The following JAZF1 variants were observed in gnomAD, a reference collection of about 807,000 sequenced individuals.
The protein encoded by JAZF1 is juxtaposed with another zinc finger protein 1.
A neutral mutation model predicts 26.4 loss-of-function variants in JAZF1; 8 were observed. The ratio of observed to expected loss-of-function variants is 0.30; its 90% CI spans 0.18 to 0.55. The LOEUF (loss-of-function observed/expected upper bound fraction) is 0.55. Ranked by LOEUF, JAZF1 falls within the 20% of genes least tolerant of loss-of-function variation. JAZF1 has a pLI of 0.94. For missense variants in JAZF1, 199 were observed against 322.0 expected, an observed-to-expected ratio of 0.62 and a Z score of 2.92; for synonymous variants, 126 against 122.3, an observed-to-expected ratio of 1.03 and a Z score of -0.20.
At chr7:28,057,824 T>C (rs1783736410) in intron 1 of JAZF1, among the ~76,000 whole-genome samples, 2 of 152,212 alleles carry the variant, frequency 1.3e-5, no homozygotes, top group South Asian at 4.1e-4. Flanking sequence ...GTTTATGGCT[T>C]TTCTCTTTTT....
intron 2 of JAZF1, among the ~76,000 whole-genome samples, chr7:27,930,004 CT>C (rs1019890532): frequency 4.0e-5 from 6 of 148,902 alleles, no homozygotes; most frequent in African/African-American, 1.5e-4. Flanking sequence ...CTCTTTCTTT[CT>C]TTCTTTTTGA....
intron 2 of JAZF1, 143 bp from the exon 3 acceptor site, chr7:27,895,559 C>T: frequency 2.1e-6 from 1 of 484,064 alleles, no homozygotes; most frequent in Non-Finnish European, 3.6e-6. Flanking sequence ...CTCACAACAG[C>T]TTCCCTTTTC....
chr7:27,909,980 A>T (rs1196246561), intron 2 of JAZF1, among the ~76,000 whole-genome samples: 1 of 152,252 alleles, frequency 6.6e-6, no homozygotes, highest in Non-Finnish European at 1.5e-5. Flanking sequence ...TTCACAATTA[A>T]GATGGCCAGC....
chr7:27,914,827 T>C (rs758069797), intron 2 of JAZF1: 4 of 471,210 alleles, frequency 8.5e-6, no homozygotes, highest in South Asian at 6.2e-5. Flanking sequence ...AACAGCCTTC[T>C]GGATTTCACA....
chr7:28,034,227 G>C (rs1360176314), intron 1 of JAZF1, among the ~76,000 whole-genome samples: 1 of 148,340 alleles, frequency 6.7e-6, no homozygotes, highest in Non-Finnish European at 1.5e-5. Flanking sequence ...CGAAGTTTAA[G>C]TAGAACCTTA....
rs958022942 is a variant in JAZF1 at position 27,986,559 on chromosome 7, A to G, written c.188+5350T>C. Among the ~76,000 whole-genome samples, 133 of 152,324 alleles carry G rather than the reference A, an allele frequency of 8.7e-4. 2 individuals are homozygous for G. Among genetic ancestry groups the G allele is most frequent in the African/African-American group, 3.1e-3 (127 of 41,570 alleles). ...CTGCCCAAGGTAATTTATAGATTCA[A>G]TGCCATCCTCATCAAGCTACCAATG... On this transcript the variant is annotated intron_variant, in intron 2 of 4. Transcript: ENST00000283928.
At chr7:28,115,360 T>C (rs1422840678) in intron 1 of JAZF1, among the ~76,000 whole-genome samples, 1 of 152,254 alleles carries the variant, frequency 6.6e-6, no homozygotes, top group African/African-American at 2.4e-5. Context: ...TACATTCTTT[T>C]TTTCATACTA....
intron 1 of JAZF1, among the ~76,000 whole-genome samples, chr7:28,058,722 C>A (rs1783754177): frequency 6.6e-6 from 1 of 152,178 alleles, no homozygotes; most frequent in South Asian, 2.1e-4. Context: ...ATAATCTCTG[C>A]TTTGTCCTGT....
chr7:27,885,719 T>C (rs1233964828), intron 3 of JAZF1, among the ~76,000 whole-genome samples: 1 of 152,136 alleles, frequency 6.6e-6, no homozygotes, highest in Non-Finnish European at 1.5e-5. Context: ...AGATATAGTG[T>C]TTGTATCCAT....
At chr7:27,997,702 G>A (rs1786044385) in intron 1 of JAZF1, among the ~76,000 whole-genome samples, 1 of 152,036 alleles carries the variant, frequency 6.6e-6, no homozygotes, top group Non-Finnish European at 1.5e-5. Context: ...TGAGCAGATA[G>A]GACTGCAGGT....
intron 3 of JAZF1, among the ~76,000 whole-genome samples, chr7:27,891,663 CAA>C (rs979238925): frequency 7.9e-5 from 12 of 151,838 alleles, no homozygotes; most frequent in African/African-American, 2.9e-4. Flanking sequence ...CTCATCTCTA[CAA>C]AAAAAGTCAA....
chr7:28,072,941 TAAGAA>T (rs1783998952), intron 1 of JAZF1, among the ~76,000 whole-genome samples: 1 of 152,216 alleles, frequency 6.6e-6, no homozygotes, highest in East Asian at 1.9e-4. Context: ...ATTATGTATT[TAAGAA>T]AAGTACAAAG....
chr7:28,127,604 C>CA (rs1398917428), intron 1 of JAZF1, among the ~76,000 whole-genome samples: 1 of 151,650 alleles, frequency 6.6e-6, no homozygotes, highest in Non-Finnish European at 1.5e-5. Flanking sequence ...AGATAAATGT[C>CA]AAAAAAAGGG....
At chr7:28,164,746 C>T (rs184880636) in intron 1 of JAZF1, among the ~76,000 whole-genome samples, 2 of 152,220 alleles carry the variant, frequency 1.3e-5, no homozygotes, top group African/African-American at 4.8e-5. Context: ...CCATTCTCCT[C>T]CCCTGCCCCC....
intron 1 of JAZF1, among the ~76,000 whole-genome samples, chr7:28,051,813 A>G (rs1046466130): frequency 1.3e-5 from 2 of 152,230 alleles, no homozygotes; most frequent in Non-Finnish European, 2.9e-5. Context: ...ATCAACTAGT[A>G]ACTCAGAGAA....
At chr7:27,859,867 TA>T (rs936422944) in intron 3 of JAZF1, among the ~76,000 whole-genome samples, 7 of 152,036 alleles carry the variant, frequency 4.6e-5, no homozygotes, top group African/African-American at 7.2e-5. Context: ...TAAAGTATAA[TA>T]AAAAAAGAAA....
At chr7:28,101,168 T>G (rs1276518392) in intron 1 of JAZF1, among the ~76,000 whole-genome samples, 1 of 152,190 alleles carries the variant, frequency 6.6e-6, no homozygotes, top group African/African-American at 2.4e-5. Context: ...TGGAACCCTT[T>G]TTTTATCCTC....
chr7:27,980,376 G>GT (rs1313084442), intron 2 of JAZF1, among the ~76,000 whole-genome samples: 3 of 151,956 alleles, frequency 2.0e-5, no homozygotes, highest in East Asian at 3.9e-4. Flanking sequence ...AAAATCATAG[G>GT]TTTTTTTTCC....
At chr7:28,058,660 T>C (rs909534217) in intron 1 of JAZF1, among the ~76,000 whole-genome samples, 2 of 152,250 alleles carry the variant, frequency 1.3e-5, no homozygotes, top group Non-Finnish European at 2.9e-5. Flanking sequence ...AGTTTTAACA[T>C]AGATTCTATG....
Sources: allele counts gnomAD v4.1 joint callset (sites outside exome capture counted in the v4.1 genomes callset), GRCh38; gene constraint gnomAD v4.1.1; transcripts MANE v1.5; gene names NCBI Gene and HGNC (gene_info 2026-07-23, HGNC 2026-07-21).